Variants in CTCF observed in about 807,000 individuals in gnomAD.
CTCF encodes the protein transcriptional repressor CTCF.
A neutral mutation model predicts 72.3 loss-of-function variants in CTCF; 7 were observed. The ratio of observed to expected loss-of-function variants is 0.10; its 90% confidence interval spans 0.06 to 0.18. The LOEUF (loss-of-function observed/expected upper bound fraction) is 0.18, where lower values mean the gene tolerates loss of function less well. Ranked by LOEUF, CTCF falls within the 10% of genes least tolerant of loss-of-function variation. The pLI is 1.00. For synonymous variants in CTCF, 374 were observed against 315.8 expected (o/e 1.18, Z -1.95); for missense variants, 516 against 949.1 (o/e 0.54, Z 6.00).
chr16:67,589,896 GGCCA>G (rs1276725730), intron 2 of CTCF, among the ~76,000 whole-genome samples: 1 of 152,064 alleles, frequency 6.6e-6, no homozygotes, highest in Non-Finnish European at 1.5e-5. Context: ...AGACCAGCTT[GGCCA>G]ACATGGTGAA....
intron 2 of CTCF, among the ~76,000 whole-genome samples, chr16:67,572,947 G>GCCCC (rs1359051975): frequency 1.2e-4 from 5 of 41,520 alleles, no homozygotes; most frequent in African/African-American, 4.4e-4. Context: ...GCCCCCCCCC[G>GCCCC]CCCCCCCCCC....
intron 2 of CTCF, among the ~76,000 whole-genome samples, chr16:67,584,284 T>C (rs938054586): frequency 6.7e-6 from 1 of 150,222 alleles, no homozygotes; most frequent in Admixed American, 6.6e-5. Flanking sequence ...ATGGTGCCAT[T>C]GCGCTCCAGC....
chr16:67,563,143 C>T (rs1427480688), intron 1 of CTCF, among the ~76,000 whole-genome samples: 1 of 152,048 alleles, frequency 6.6e-6, no homozygotes, highest in African/African-American at 2.4e-5. Flanking sequence ...GACACTATCT[C>T]CGCGTCCCGG....
At chr16:67,635,033 G>GT (rs1567619113) in intron 10 of CTCF, among the ~76,000 whole-genome samples, 1 of 148,246 alleles carries the variant, frequency 6.7e-6, no homozygotes, top group South Asian at 2.2e-4. Context: ...TTGTTTGTTT[G>GT]TTTTTTTGAG....
Position 67,631,165 on chromosome 16 carries a change from GTT to G in CTCF, c.1837+1637_1837+1638del, listed in dbSNP as rs931210083. On this transcript the variant is annotated intron_variant, in intron 10 of 11. Transcript: ENST00000264010. ...TTTGTTCTTTGTTTGTTTTTTTTTT[GTT>G]TTTTGTTTTTTTTTTGAGACAGTGT... is the stretch of plus-strand genomic sequence containing the variant. Among the ~76,000 whole-genome samples the G allele has an allele frequency of 5.0e-4, 66 of 131,128 alleles. 1 individual carries two copies. The highest frequency in any genetic ancestry group is 7.5e-3 in the Middle Eastern group (2 of 268). The allele number at this position is 131,128 out of a possible 152,430, so 86.0% of individuals were successfully genotyped here.
At chr16:67,595,607 T>C (rs1054562896) in intron 2 of CTCF, among the ~76,000 whole-genome samples, 1 of 152,274 alleles carries the variant, frequency 6.6e-6, no homozygotes, top group African/African-American at 2.4e-5. Flanking sequence ...ATGCATGTAT[T>C]GTTTCATTGG....
intron 2 of CTCF, among the ~76,000 whole-genome samples, chr16:67,589,624 G>A (rs536683295): frequency 6.6e-6 from 1 of 152,214 alleles, no homozygotes; most frequent in African/African-American, 2.4e-5. Context: ...CAGACAAGGA[G>A]CTCCCTAAGA....
At chr16:67,580,552 G>T (rs567950817) in intron 2 of CTCF, among the ~76,000 whole-genome samples, 16 of 150,894 alleles carry the variant, frequency 1.1e-4, no homozygotes, top group South Asian at 2.1e-4. Flanking sequence ...ATTTATTTAT[G>T]TATTTATTTA....
chr16:67,594,289 T>C (rs931980285), intron 2 of CTCF, among the ~76,000 whole-genome samples: 1 of 150,228 alleles, frequency 6.7e-6, no homozygotes, highest in Non-Finnish European at 1.5e-5. Context: ...GAGGCTGAGG[T>C]AGGAGGATCA....
In CTCF at chr16:67,629,387, C is replaced by T. The variant is rs768563843; in HGVS notation, c.1702-11C>T. ...TAGTGGTGTGAAAGAGGATTTTGTT[C>T]TTTTTGTTAGAATACCATGGCAAGA... On this transcript the variant is annotated splice_polypyrimidine_tract_variant and intron_variant, in intron 9 of 11. Coordinates refer to ENST00000264010, the MANE Select transcript of CTCF (RefSeq NM_006565.4). The T allele has an allele frequency of 1.9e-6, 3 of 1,590,568 alleles. No homozygotes were observed. Among genetic ancestry groups the T allele is most frequent in the African/African-American group, 1.4e-5 (1 of 73,440 alleles).
intron 2 of CTCF, among the ~76,000 whole-genome samples, chr16:67,607,745 C>T (rs999609371): frequency 4.1e-4 from 62 of 151,604 alleles, no homozygotes; most frequent in African/African-American, 1.3e-3. Flanking sequence ...CGTGGCTGGG[C>T]GTGGTGGCTC....
intron 2 of CTCF, among the ~76,000 whole-genome samples, chr16:67,603,463 G>T (rs1244914908): frequency 6.6e-6 from 1 of 151,600 alleles, no homozygotes; most frequent in Non-Finnish European, 1.5e-5. Context: ...AACCCGGGAG[G>T]CGGAGCTTGC....
intron 2 of CTCF, among the ~76,000 whole-genome samples, chr16:67,586,237 C>A (rs2051666972): frequency 6.6e-6 from 1 of 151,996 alleles, no homozygotes; most frequent in Middle Eastern, 3.4e-3. Context: ...CCATTTCTAC[C>A]AAAAATACAA....
intron 2 of CTCF, among the ~76,000 whole-genome samples, chr16:67,599,225 T>A (rs2051855024): frequency 6.6e-6 from 1 of 152,102 alleles, no homozygotes; most frequent in Non-Finnish European, 1.5e-5. Context: ...TGAAACCTCG[T>A]CTCTAGTAAA....
At chr16:67,628,796 C>T (rs990716821) in intron 9 of CTCF, among the ~76,000 whole-genome samples, 2 of 152,162 alleles carry the variant, frequency 1.3e-5, no homozygotes, top group African/African-American at 2.4e-5. Flanking sequence ...CGCGGTGGCT[C>T]GCGCCTGTAA....
chr16:67,634,438 C>A lies in CTCF; in HGVS notation c.1838-2252C>A, dbSNP rs541075093. Among the ~76,000 whole-genome samples, 83 of 151,068 alleles carry A rather than the reference C, an allele frequency of 5.5e-4. 1 individual carries two copies. Among genetic ancestry groups the A allele is most frequent in the African/African-American group, 1.9e-3 (80 of 41,110 alleles). On this transcript the variant is annotated intron_variant, in intron 10 of 11. Coordinates refer to ENST00000264010, the MANE Select transcript of CTCF (RefSeq NM_006565.4). ...GGCCTGGCTGGTCTCAAAGTCCTGA[C>A]TTCAGGTGATCCACCCACCTCGGCC...
chr16:67,631,412 G>A (rs1345835131), intron 10 of CTCF, among the ~76,000 whole-genome samples: 1 of 151,774 alleles, frequency 6.6e-6, no homozygotes, highest in African/African-American at 2.4e-5. Flanking sequence ...TGATCCATCC[G>A]CCTCGGCCTC....
intron 5 of CTCF, 81 bp downstream of exon 5, chr16:67,616,959 A>G: frequency 2.8e-6 from 4 of 1,429,242 alleles, no homozygotes; most frequent in Non-Finnish European, 3.9e-6. Flanking sequence ...TACTACCCAA[A>G]CGGACTTAAG....
At chr16:67,568,048 C>T (rs1389508663) in intron 1 of CTCF, 1 of 151,744 alleles carries the variant, frequency 6.6e-6, no homozygotes, top group African/African-American at 2.4e-5. Context: ...CACAGGCACA[C>T]AACACCATGC....
Sources: allele counts gnomAD v4.1 joint callset (sites outside exome capture counted in the v4.1 genomes callset), GRCh38; gene constraint gnomAD v4.1.1; transcripts MANE v1.5; gene names NCBI Gene and HGNC (gene_info 2026-07-23, HGNC 2026-07-21).